FAM20B: variants seen among roughly 807,000 people sequenced by gnomAD.
The protein encoded by FAM20B is FAM20B glycosaminoglycan xylosylkinase, also known as glycosaminoglycan xylosylkinase.
A neutral mutation model predicts 43.8 loss-of-function variants in FAM20B; 23 were observed. That is an observed-to-expected ratio of 0.53 (90% CI 0.38 to 0.74). The LOEUF (loss-of-function observed/expected upper bound fraction) is 0.74, where lower values mean the gene tolerates loss of function less well. FAM20B is among the 30% of genes least tolerant of loss of function. The pLI, the probability that FAM20B is intolerant of heterozygous loss-of-function variation, is 0.00. For missense variants in FAM20B, 440 were observed against 510.5 expected (o/e 0.86, Z 1.33); for synonymous variants, 178 against 192.4 (o/e 0.93, Z 0.62).
At chr1:179,019,137 C>A in the FAM20B span, among the ~76,000 whole-genome samples, 1 of 152,206 alleles carries the variant, frequency 6.6e-6, no homozygotes, top group African/African-American at 2.4e-5. Context: ...AAATGCTAAT[C>A]TTTTCCAGAA....
intron 7 of FAM20B, among the ~76,000 whole-genome samples, chr1:179,071,318 T>C (rs967021145): frequency 1.8e-4 from 28 of 151,902 alleles, no homozygotes; most frequent in Admixed American, 1.6e-3. Context: ...ATAATAATAA[T>C]TTTTTCCCAG....
intron 7 of FAM20B, among the ~76,000 whole-genome samples, chr1:179,070,141 G>T (rs920814708): frequency 6.6e-6 from 1 of 151,980 alleles, no homozygotes; most frequent in Non-Finnish European, 1.5e-5. Flanking sequence ...CGCCTCCCAG[G>T]TTCAAGTGAT....
At chr1:179,032,965 T>G (rs1650072569) in intron 1 of FAM20B, among the ~76,000 whole-genome samples, 1 of 152,234 alleles carries the variant, frequency 6.6e-6, no homozygotes, top group South Asian at 2.1e-4. Context: ...TCACTGCCAC[T>G]AACCATCAGT....
intron 6 of FAM20B, among the ~76,000 whole-genome samples, chr1:179,064,895 A>G (rs1651625694): frequency 6.6e-6 from 1 of 152,172 alleles, no homozygotes; most frequent in Non-Finnish European, 1.5e-5. Flanking sequence ...TAAAAAATTA[A>G]TTTATTTGGT....
At position 179,064,118 on chromosome 1, in the gene FAM20B, A is replaced by G; in HGVS notation, c.746+20A>G. The G allele has an allele frequency of 6.3e-7, 1 of 1,591,858 alleles. No individual in the cohort carries two copies. Among genetic ancestry groups the G allele is most frequent in the Non-Finnish European group, 8.6e-7 (1 of 1,164,976 alleles). On this transcript the variant is annotated intron_variant, in intron 5 of 7. Coordinates refer to ENST00000263733, the MANE Select transcript of FAM20B (RefSeq NM_014864.4). ...GGCCAGGTAAATGCTCCTATGAGCC[A>G]TTACTTAATTCTCCCCTGTGCCTAG...
At chr1:179,038,423 A>AG (rs1274398158) in intron 1 of FAM20B, among the ~76,000 whole-genome samples, 75 of 151,982 alleles carry the variant, frequency 4.9e-4, no homozygotes, top group Non-Finnish European at 2.5e-4. Context: ...AAAAAAAAAA[A>AG]AAAGAAAAAA....
chr1:179,027,386 T>A (rs1649832705), intron 1 of FAM20B, among the ~76,000 whole-genome samples: 4 of 152,212 alleles, frequency 2.6e-5, no homozygotes, highest in Admixed American at 2.6e-4. Flanking sequence ...CAAATATGAT[T>A]CGTTATCACG....
At chr1:179,045,095 TC>T (rs1650706494) in intron 2 of FAM20B, among the ~76,000 whole-genome samples, 1 of 152,234 alleles carries the variant, frequency 6.6e-6, no homozygotes, top group Non-Finnish European at 1.5e-5. Context: ...CCTTTGGACT[TC>T]CTAGGGATCT....
chr1:179,065,454 A>G (rs572461453), intron 6 of FAM20B, among the ~76,000 whole-genome samples: 1 of 152,318 alleles, frequency 6.6e-6, no homozygotes, highest in African/African-American at 2.4e-5. Flanking sequence ...ATAAATATTT[A>G]CTAAATAGAA....
chr1:179,064,244 T>C (rs1448083292), intron 5 of FAM20B, 61 bp from the exon 6 acceptor site: 1 of 1,469,868 alleles, frequency 6.8e-7, no homozygotes, highest in Non-Finnish European at 9.3e-7. Flanking sequence ...GTCTTCTCTT[T>C]GTGTGTAACA....
chr1:179,060,407 G>A (rs150532829), intron 4 of FAM20B, among the ~76,000 whole-genome samples: 8 of 152,114 alleles, frequency 5.3e-5, no homozygotes, highest in East Asian at 3.9e-4. Context: ...AGTCTGTGGC[G>A]TGGTAGGAAC....
At chr1:179,069,344 T>G (rs1651821090) in intron 7 of FAM20B, among the ~76,000 whole-genome samples, 1 of 152,182 alleles carries the variant, frequency 6.6e-6, no homozygotes, top group Non-Finnish European at 1.5e-5. Flanking sequence ...CCATCCGTCG[T>G]AGCAGAGCAC....
At position 179,074,836 on chromosome 1, in the gene FAM20B, C is replaced by A. The variant is rs1236971386; in HGVS notation, c.*2692C>A. 1 of 152,092 alleles carries A rather than the reference C, an allele frequency of 6.6e-6. No homozygotes were observed. The highest frequency in any genetic ancestry group is 1.9e-4 in the East Asian group (1 of 5,184). The allele number at this position is 152,092 out of a possible 1,614,324, so 9.4% of individuals were successfully genotyped here. A position where few individuals can be genotyped will look rare whatever the true frequency, so the allele number is the denominator to read the frequency against. The stretch of plus-strand genomic sequence containing the variant: ...ATGTTTAGGCAAATCTTGGAGAAAA[C>A]CAACCATAAACTTACAGCTCTAAAA... On this transcript the variant is annotated 3_prime_UTR_variant, in exon 8 of 8. Coordinates refer to ENST00000263733, the MANE Select transcript of FAM20B (RefSeq NM_014864.4).
At chr1:179,071,118 A>C (rs4360490) in intron 7 of FAM20B, among the ~76,000 whole-genome samples, 107,458 of 151,030 alleles carry the variant, frequency 0.71, 39,337 homozygotes, top group African/African-American at 0.89. Flanking sequence ...CACGGTGAAA[A>C]CCCGTCTCTA....
At chr1:179,064,980 G>A (rs1030763378) in intron 6 of FAM20B, among the ~76,000 whole-genome samples, 1 of 152,194 alleles carries the variant, frequency 6.6e-6, no homozygotes, top group Non-Finnish European at 1.5e-5. Context: ...GTTGCCTAGT[G>A]TGGATTTTAT....
At chr1:179,029,921 G>C (rs527897465) in intron 1 of FAM20B, among the ~76,000 whole-genome samples, 36 of 152,272 alleles carry the variant, frequency 2.4e-4, no homozygotes, top group African/African-American at 6.7e-4. Context: ...GTTGAGTGAG[G>C]CTATGAGATG....
At position 179,043,834 on chromosome 1, in the gene FAM20B, G is replaced by A. The variant is rs772294882; in HGVS notation, c.-14G>A. 5.7e-6 allele frequency: 9 copies of A among 1,575,954 alleles called. No homozygotes were observed. In the African/African-American group the frequency reaches 8.1e-5, roughly 14 times the overall value. On this transcript the variant is annotated 5_prime_UTR_variant, in exon 2 of 8. Transcript: ENST00000263733. ...GAGCAAGAGTGGGTCAGGGGAGAAG[G>A]AAAAGAGGTCAACATGAAGCTAAAG... is the stretch of plus-strand genomic sequence containing the variant.
chr1:179,030,406 A>G (rs948700552), intron 1 of FAM20B, among the ~76,000 whole-genome samples: 5 of 152,122 alleles, frequency 3.3e-5, no homozygotes. Flanking sequence ...CCTGTCTTGT[A>G]TCATCCTTGG....
At position 179,073,846 on chromosome 1, in the gene FAM20B, G is replaced by C. The variant is rs56006430; in HGVS notation, c.*1702G>C. On this transcript the variant is annotated 3_prime_UTR_variant, in exon 8 of 8. Transcript: ENST00000263733. ...GCAAAGTGATCTCAACATGTAAGTA[G>C]TTGCAGTAAAACACAGGGGCAAAGG... 0.14 allele frequency: 20,593 copies of C among 152,232 alleles called. 1,621 individuals carry two copies. Among genetic ancestry groups the C allele is most frequent in the East Asian group, 0.31 (1,586 of 5,170 alleles). 9.4% of individuals were successfully genotyped at this position (152,232 alleles called of 1,614,324 possible). A position where few individuals can be genotyped will look rare whatever the true frequency, so the allele number is the denominator to read the frequency against.
Sources: gnomAD v4.1 joint callset for allele counts (sites outside exome capture counted in the v4.1 genomes callset) on GRCh38, gnomAD v4.1.1 for gene constraint, MANE v1.5 for transcripts, NCBI Gene and HGNC (gene_info 2026-07-23, HGNC 2026-07-21) for gene names.